The following ZCCHC14 variants were observed in gnomAD, a reference collection of about 807,000 sequenced individuals.
ZCCHC14 encodes the protein zinc finger CCHC domain-containing protein 14.
In ZCCHC14, 16 loss-of-function variants were observed where a neutral mutation model predicts 85.0. The ratio of observed to expected loss-of-function variants is 0.19; its 90% CI spans 0.13 to 0.29. The LOEUF is 0.29. Ranked by LOEUF, ZCCHC14 falls within the 10% of genes least tolerant of loss-of-function variation. The pLI is 1.00. For synonymous variants in ZCCHC14, 775 were observed against 630.7 expected (o/e 1.23, Z -3.43); for missense variants, 1,303 against 1,443.5 (o/e 0.90, Z 1.58).
intron 1 of ZCCHC14, among the ~76,000 whole-genome samples, chr16:87,479,228 C>T (rs962583968): frequency 1.3e-5 from 2 of 151,758 alleles, no homozygotes; most frequent in Non-Finnish European, 2.9e-5. Flanking sequence ...ACAACCTGAC[C>T]AACATAGTGA....
At chr16:87,446,975 C>A (rs895113077) in intron 2 of ZCCHC14, among the ~76,000 whole-genome samples, 1 of 152,132 alleles carries the variant, frequency 6.6e-6, no homozygotes, top group Non-Finnish European at 1.5e-5. Flanking sequence ...GTATGAGCCA[C>A]CGTGCCCGGC....
At chr16:87,446,483 C>CA (rs11364740) in intron 2 of ZCCHC14, among the ~76,000 whole-genome samples, 73,142 of 144,134 alleles carry the variant, frequency 0.51, 20,842 homozygotes, top group Non-Finnish European at 0.68. Context: ...GACTCCATCT[C>CA]AAAAAAAAAA....
intron 2 of ZCCHC14, among the ~76,000 whole-genome samples, chr16:87,454,014 G>A (rs1390281481): frequency 6.6e-6 from 1 of 152,100 alleles, no homozygotes. Flanking sequence ...TACAATATCT[G>A]GTATGAAAAC....
In ZCCHC14 at chr16:87,420,326, T is replaced by C. The variant is rs1909027852; in HGVS notation, c.950+281A>G. On this transcript the variant is annotated intron_variant, in intron 5 of 12. Coordinates refer to ENST00000671377, the MANE Select transcript of ZCCHC14 (RefSeq NM_015144.3). This position sits in a 1 kb window ranked among gnomAD's most constrained non-coding sequence, Gnocchi z 5.0. ...ATAGTCTCAACCTTGGACTACAGGA[T>C]GGAAACAGCAGCCCAGGATTATTTC... is the stretch of plus-strand genomic sequence containing the variant. Among the ~76,000 whole-genome samples the C allele has an allele frequency of 6.6e-6, 1 of 152,214 alleles. No individual in the cohort carries two copies. Among genetic ancestry groups the C allele is most frequent in the African/African-American group, 2.4e-5 (1 of 41,458 alleles).
Position 87,417,726 on chromosome 16 carries a change from C to T in ZCCHC14, c.1117G>A (p.Ala373Thr). ...GVSGRPVCGVAGIPSSQSGAQ... is the reference protein window; with the variant it reads ...GVSGRPVCGVTGIPSSQSGAQ... ...CCGCTCTGCGAGGACGGGATACCAG[C>T]CACTCCACACACAGGCCTGTGGGAC... Residue 373 changes from alanine (A) to threonine (T), a missense_variant, in exon 8 of 13, where the codon GCT becomes ACT. Physicochemically the swap from Ala to Thr is moderately conservative, Grantham distance 58. Around this residue, in one of 7 missense-constraint regions of ZCCHC14, gnomAD observed 389 missense variants for 397.8 expected, o/e 0.98. Coordinates refer to ENST00000671377, the MANE Select transcript of ZCCHC14 (RefSeq NM_015144.3). 1 of 1,597,698 alleles carries T rather than the reference C, an allele frequency of 6.3e-7. No individual in the cohort carries two copies. The highest frequency in any genetic ancestry group is 2.2e-5 in the East Asian group (1 of 44,710).
chr16:87,479,416 CAA>C (rs35830701), intron 1 of ZCCHC14, among the ~76,000 whole-genome samples: 15 of 119,256 alleles, frequency 1.3e-4, no homozygotes, highest in Non-Finnish European at 1.1e-4. Context: ...GACTACGTCT[CAA>C]AAAAAAAAAA....
intron 1 of ZCCHC14, among the ~76,000 whole-genome samples, chr16:87,463,811 C>G (rs1264907658): frequency 6.6e-6 from 1 of 152,038 alleles, no homozygotes; most frequent in Non-Finnish European, 1.5e-5. Flanking sequence ...GGTGACAGAG[C>G]AAGACTCCGT....
rs1345854860 is a variant in ZCCHC14, at chr16:87,492,928, G to T, written c.-690C>A. Among the ~76,000 whole-genome samples the T allele has an allele frequency of 7.0e-6, 1 of 142,928 alleles. No homozygotes were observed. Among genetic ancestry groups the T allele is most frequent in the African/African-American group, 2.8e-5 (1 of 35,530 alleles). The allele number at this position is 142,928 out of a possible 152,430, so 93.8% of individuals were successfully genotyped here. ...CGAGCGCGGCGGCGGCGGCGACGGC[G>T]ACGGCGACGGCGACGGCGACGGCGG... is the stretch of plus-strand genomic sequence containing the variant. On this transcript the variant is annotated 5_prime_UTR_variant, in exon 1 of 13. Transcript: ENST00000671377. This position sits in a 1 kb window ranked among gnomAD's most constrained non-coding sequence, Gnocchi z 6.7.
rs374745923 is a variant in ZCCHC14, at chr16:87,449,349, GGATAGATGCA to G, written c.694+10649_694+10658del. Among the ~76,000 whole-genome samples, 70 of 152,286 alleles carry G rather than the reference GGATAGATGCA, an allele frequency of 4.6e-4. 1 individual carries two copies. Among genetic ancestry groups the G allele is most frequent in the African/African-American group, 1.6e-3 (66 of 41,558 alleles). On this transcript the variant is annotated intron_variant, in intron 2 of 12. Transcript: ENST00000671377. ...TAAAACTCTGAAGAGAAGTAGAAAGGGATAGATGCAGGGAAGAGAGGGTGAGGGGCACAGC... is the reference window on the plus strand; with the variant it reads ...TAAAACTCTGAAGAGAAGTAGAAAGGGGGAAGAGAGGGTGAGGGGCACAGC...
At chr16:87,415,438 T>C (rs1908732389) in intron 8 of ZCCHC14, 71 bp from the exon 9 acceptor site, 2 of 1,310,818 alleles carry the variant, frequency 1.5e-6, no homozygotes, top group South Asian at 2.4e-5. Flanking sequence ...GAACTTGGAG[T>C]TGAATTCAGT....
chr16:87,448,451 G>A (rs1339648129), intron 2 of ZCCHC14, among the ~76,000 whole-genome samples: 1 of 152,088 alleles, frequency 6.6e-6, no homozygotes, highest in Non-Finnish European at 1.5e-5. Flanking sequence ...CTGCCCTTTC[G>A]TGTGAAGACT....
At chr16:87,444,435 T>C (rs889349133) in intron 2 of ZCCHC14, among the ~76,000 whole-genome samples, 1 of 152,214 alleles carries the variant, frequency 6.6e-6, no homozygotes, top group Non-Finnish European at 1.5e-5. Flanking sequence ...AATAATCCCA[T>C]ACAAACTTAA....
intron 1 of ZCCHC14, among the ~76,000 whole-genome samples, chr16:87,482,344 A>G (rs1912318962): frequency 6.6e-6 from 1 of 152,242 alleles, no homozygotes; most frequent in African/African-American, 2.4e-5. Flanking sequence ...AGTCTGAGGA[A>G]TAACATCATC....
At chr16:87,434,088 A>G (rs2150738944) in intron 2 of ZCCHC14, among the ~76,000 whole-genome samples, 1 of 152,326 alleles carries the variant, frequency 6.6e-6, no homozygotes, top group East Asian at 1.9e-4. Flanking sequence ...CGGGATGGAC[A>G]GCCAGAGGGA....
intron 1 of ZCCHC14, chr16:87,472,652 C>T (rs114488269): frequency 6.6e-6 from 1 of 152,342 alleles, no homozygotes; most frequent in South Asian, 2.1e-4. Context: ...ACAACCCAAT[C>T]TCAACAATCT....
intron 3 of ZCCHC14, among the ~76,000 whole-genome samples, chr16:87,427,187 C>T (rs895888366): frequency 6.6e-6 from 1 of 152,222 alleles, no homozygotes; most frequent in Non-Finnish European, 1.5e-5. Flanking sequence ...CACGGGTCAC[C>T]TTCTGCAGCC....
chr16:87,453,433 G>A (rs1459388377), intron 2 of ZCCHC14, among the ~76,000 whole-genome samples: 5 of 152,250 alleles, frequency 3.3e-5, no homozygotes, highest in East Asian at 1.9e-4. Context: ...ACCCGAGGGC[G>A]GGCCCTGTCA....
At chr16:87,460,711 T>C (rs1022072804) in intron 1 of ZCCHC14, among the ~76,000 whole-genome samples, 1 of 151,978 alleles carries the variant, frequency 6.6e-6, no homozygotes, top group African/African-American at 2.4e-5. Context: ...AAAGGAACTA[T>C]GTTAGCCAAG....
At chr16:87,419,939 GA>G (rs1453945163) in intron 5 of ZCCHC14, 62 bp from the exon 6 acceptor site, 4 of 1,434,662 alleles carry the variant, frequency 2.8e-6, no homozygotes, top group African/African-American at 1.4e-5. Flanking sequence ...CGAATTGAAA[GA>G]AAAAAATTTA....
Sources: gnomAD v4.1 joint callset for allele counts (sites outside exome capture counted in the v4.1 genomes callset) on GRCh38, gnomAD v4.1.1 for gene constraint, gnomAD v4.1.1 regional missense constraint, Gnocchi (gnomAD v3.1) non-coding constraint, MANE v1.5 for transcripts, NCBI Gene and HGNC (gene_info 2026-07-23, HGNC 2026-07-21) for gene names.